SLC25A20: variants seen among roughly 807,000 people sequenced by gnomAD.
SLC25A20 encodes solute carrier family 25 member 20.
In SLC25A20, 29 loss-of-function variants were observed where a neutral mutation model predicts 39.7. That is an observed-to-expected ratio of 0.73 (90% CI 0.54 to 1.00). SLC25A20 has a LOEUF of 1.00. Ranked by LOEUF, SLC25A20 falls within the 50% of genes least tolerant of loss-of-function variation. The pLI is 0.00. For synonymous variants in SLC25A20, 103 were observed against 142.2 expected (o/e 0.72, Z 1.96); for missense variants, 333 against 379.9 (o/e 0.88, Z 1.03).
rs758883469 is a variant in SLC25A20, at chr3:48,879,364, T to C, written c.411A>G (p.Leu137=). Residue 137 remains leucine, a synonymous_variant, in exon 4 of 9, where the codon TTA becomes TTG. Coordinates refer to ENST00000319017, the MANE Select transcript of SLC25A20 (RefSeq NM_000387.6). ...IMTPGERIKC[L]LQIQASSGES... is the part of the protein sequence containing the mutation. ...CCTCCAATCACAACCTTACCTGTAATAAGCACTTGATCCGTTCTCCAGGAG... is the reference window on the plus strand; with the variant it reads ...CCTCCAATCACAACCTTACCTGTAACAAGCACTTGATCCGTTCTCCAGGAG... 2 of 1,608,980 alleles carry C rather than the reference T, an allele frequency of 1.2e-6. No individual in the cohort carries two copies. Among genetic ancestry groups the C allele is most frequent in the East Asian group, 4.5e-5 (2 of 44,870 alleles).
Position 48,879,461 on chromosome 3 carries a change from C to G in SLC25A20, c.327-13G>C, listed in dbSNP as rs781297561. ...AAGCTGGGGATAGCTGCATTGAAAA[C>G]AAAAAGCAGAAGCAAGCACCTGTGA... On this transcript the variant is annotated splice_polypyrimidine_tract_variant and intron_variant, in intron 3 of 8. Transcript: ENST00000319017. 1.0e-5 allele frequency: 16 copies of G among 1,603,854 alleles called. No homozygotes were observed. Among genetic ancestry groups the G allele is most frequent in the Non-Finnish European group, 1.4e-5 (16 of 1,170,860 alleles).
At chr3:48,867,746 G>A (rs2083682991) in intron 4 of SLC25A20, among the ~76,000 whole-genome samples, 1 of 151,616 alleles carries the variant, frequency 6.6e-6, no homozygotes, top group Admixed American at 6.6e-5. Context: ...TCAAGCGGAA[G>A]CACAGGCCAT....
intron 1 of SLC25A20, among the ~76,000 whole-genome samples, chr3:48,896,674 C>T (rs1384618836): frequency 6.6e-6 from 1 of 151,586 alleles, no homozygotes; most frequent in Non-Finnish European, 1.5e-5. Flanking sequence ...CCACATGCAG[C>T]CAATTTTTTT....
intron 4 of SLC25A20, among the ~76,000 whole-genome samples, chr3:48,876,445 G>A (rs1219893119): frequency 4.0e-5 from 6 of 150,860 alleles, no homozygotes; most frequent in African/African-American, 1.5e-4. Context: ...TTGTTTTTGA[G>A]ATGGAGTTTC....
At chr3:48,880,680 G>C (rs1198676615) in intron 3 of SLC25A20, among the ~76,000 whole-genome samples, 1 of 148,384 alleles carries the variant, frequency 6.7e-6, no homozygotes, top group Non-Finnish European at 1.5e-5. Context: ...CTGGGCTCAA[G>C]TGACCTTCCC....
intron 4 of SLC25A20, among the ~76,000 whole-genome samples, chr3:48,877,991 G>A (rs1222369205): frequency 6.6e-6 from 1 of 151,962 alleles, no homozygotes; most frequent in Non-Finnish European, 1.5e-5. Flanking sequence ...GTCCAGGCGC[G>A]GTGGCTTACG....
chr3:48,891,162 C>T (rs2083873079), intron 2 of SLC25A20, among the ~76,000 whole-genome samples: 1 of 151,996 alleles, frequency 6.6e-6, no homozygotes, highest in African/African-American at 2.4e-5. Flanking sequence ...GCAACCTCCC[C>T]GTCCTGGGTT....
intron 6 of SLC25A20, 102 bp downstream of exon 6, chr3:48,859,452 TG>T: frequency 9.8e-7 from 1 of 1,016,596 alleles, no homozygotes; most frequent in Non-Finnish European, 1.6e-6. Context: ...AAAGCAGACA[TG>T]GAGCCAGGAA....
chr3:48,863,977 T>C (rs1194272004), intron 4 of SLC25A20, among the ~76,000 whole-genome samples: 2 of 151,406 alleles, frequency 1.3e-5, no homozygotes, highest in Admixed American at 6.6e-5. Context: ...ATCGTGCCAC[T>C]GCACACCAGC....
At chr3:48,885,144 G>A (rs2083820783) in intron 2 of SLC25A20, among the ~76,000 whole-genome samples, 1 of 152,086 alleles carries the variant, frequency 6.6e-6, no homozygotes, top group African/African-American at 2.4e-5. Context: ...GGTGGTGTGT[G>A]CCTGTAGTCC....
At chr3:48,873,601 A>G (rs1170256744) in intron 4 of SLC25A20, among the ~76,000 whole-genome samples, 2 of 150,906 alleles carry the variant, frequency 1.3e-5, no homozygotes, top group East Asian at 2.0e-4. Flanking sequence ...GGAGTGAGAT[A>G]ATGCCTTAAA....
intron 2 of SLC25A20, among the ~76,000 whole-genome samples, chr3:48,887,900 A>T (rs1313876992): frequency 2.0e-5 from 3 of 148,922 alleles, no homozygotes; most frequent in Non-Finnish European, 4.5e-5. Context: ...GAGACTCCAT[A>T]AAAAAAAAGA....
chr3:48,875,892 C>T (rs532493464), intron 4 of SLC25A20, among the ~76,000 whole-genome samples: 1 of 152,196 alleles, frequency 6.6e-6, no homozygotes, highest in South Asian at 2.1e-4. Context: ...GTGATGCACA[C>T]CTGTAGTCTC....
chr3:48,897,797 C>G (rs1402476396), intron 1 of SLC25A20, among the ~76,000 whole-genome samples: 1 of 152,152 alleles, frequency 6.6e-6, no homozygotes, highest in Non-Finnish European at 1.5e-5. Context: ...CTCATGTCTG[C>G]TCCCCACAGG....
intron 3 of SLC25A20, among the ~76,000 whole-genome samples, chr3:48,883,664 A>G (rs1328720500): frequency 8.5e-6 from 1 of 117,544 alleles, no homozygotes; most frequent in Non-Finnish European, 1.6e-5. Context: ...TCCGTTGCTC[A>G]GGTTGGAGTG....
At chr3:48,896,433 G>A (rs1028431605) in intron 1 of SLC25A20, among the ~76,000 whole-genome samples, 1 of 152,054 alleles carries the variant, frequency 6.6e-6, no homozygotes, top group Admixed American at 6.6e-5. Context: ...TGTCTCAACA[G>A]GATATCAGCC....
intron 1 of SLC25A20, among the ~76,000 whole-genome samples, chr3:48,893,175 ACAC>A (rs1191367253): frequency 6.6e-6 from 1 of 151,976 alleles, no homozygotes; most frequent in Non-Finnish European, 1.5e-5. Context: ...CTACAGGTGC[ACAC>A]CACAATGCCA....
intron 1 of SLC25A20, among the ~76,000 whole-genome samples, chr3:48,894,570 C>A (rs1434725547): frequency 6.6e-6 from 1 of 151,880 alleles, no homozygotes; most frequent in East Asian, 1.9e-4. Flanking sequence ...ACCGGCCCGG[C>A]CCTGATAAAT....
At chr3:48,896,338 T>A (rs1370219718) in intron 1 of SLC25A20, among the ~76,000 whole-genome samples, 2 of 151,580 alleles carry the variant, frequency 1.3e-5, no homozygotes, top group Non-Finnish European at 2.9e-5. Flanking sequence ...CCCAGCTAAT[T>A]TTTGTATTTT....
Sources: allele counts gnomAD v4.1 joint callset (sites outside exome capture counted in the v4.1 genomes callset), GRCh38; gene constraint gnomAD v4.1.1; transcripts MANE v1.5; gene names NCBI Gene and HGNC (gene_info 2026-07-23, HGNC 2026-07-21).